VPS13B: variants seen among roughly 807,000 people sequenced by gnomAD.
VPS13B encodes vacuolar protein sorting 13 homolog B, also known as intermembrane lipid transfer protein VPS13B.
VPS13B carries 285 observed loss-of-function variants against 426.4 expected under a neutral mutation model. The observed-to-expected ratio is 0.67, with a 90% CI of 0.61 to 0.74. The LOEUF is 0.74. Ranked by LOEUF, VPS13B falls within the 30% of genes least tolerant of loss-of-function variation. VPS13B has a pLI of 0.00. For missense variants in VPS13B, 4,537 were observed against 4,782.6 expected (o/e 0.95, Z 1.51); for synonymous variants, 1,676 against 1,676.4 (o/e 1.00, Z 0.01).
At position 99,279,990 on chromosome 8, in the gene VPS13B, C is replaced by T. The variant is rs910543671; in HGVS notation, c.2824+4736C>T. ...TTCACTGTGTTAGCCAGGAAGGTCT[C>T]GATCTCCTGACCTCGTGATCCACCT... On this transcript the variant is annotated intron_variant, in intron 19 of 61. Transcript: ENST00000357162. 1.5e-4 allele frequency among the ~76,000 whole-genome samples: 23 copies of T among 152,282 alleles called. 1 individual carries two copies. In the Middle Eastern group the frequency reaches 0.01, roughly 68 times the overall value.
At chr8:99,152,830 A>T (rs1015483323) in intron 14 of VPS13B, among the ~76,000 whole-genome samples, 114 of 152,072 alleles carry the variant, frequency 7.5e-4, no homozygotes, top group African/African-American at 2.6e-3. Flanking sequence ...GATTAGTTTT[A>T]GTAAGGTATG....
chr8:99,872,228 A>T (rs999512406), intron 61 of VPS13B, among the ~76,000 whole-genome samples: 5 of 152,204 alleles, frequency 3.3e-5, no homozygotes, highest in South Asian at 2.1e-4. Context: ...AGCAAGGGGC[A>T]TCATGAAACA....
chr8:99,357,486 A>G (rs560076600), intron 19 of VPS13B, among the ~76,000 whole-genome samples: 6 of 152,112 alleles, frequency 3.9e-5, no homozygotes, highest in African/African-American at 1.4e-4. Context: ...GTCTCTTTTC[A>G]TAGCATCTGT....
intron 21 of VPS13B, among the ~76,000 whole-genome samples, chr8:99,410,876 CTGCAAAGGACA>C (rs1338914859): frequency 6.6e-6 from 1 of 152,068 alleles, no homozygotes; most frequent in East Asian, 1.9e-4. Flanking sequence ...ATCCATGTCC[CTGCAAAGGACA>C]TAAACTCATC....
chr8:99,831,885 G>T lies in VPS13B; in HGVS notation c.9331-484G>T, dbSNP rs552275375. ...AATTATTTCATTAGGACATTCTCAT[G>T]GGGACAGGATTCATAATATTCCCAT... On this transcript the variant is annotated intron_variant, in intron 51 of 61. Transcript: ENST00000357162. Among the ~76,000 whole-genome samples, 6 of 152,258 alleles carry T rather than the reference G, an allele frequency of 3.9e-5. No homozygotes were observed. The East Asian group carries it at 7.7e-4, about 20-fold the overall frequency.
chr8:99,860,350 C>CA (rs1419067705), intron 57 of VPS13B, among the ~76,000 whole-genome samples: 1 of 152,152 alleles, frequency 6.6e-6, no homozygotes, highest in African/African-American at 2.4e-5. Flanking sequence ...GACACTCCCC[C>CA]AGGCCTCAAA....
chr8:99,303,351 C>T (rs1820471506), intron 19 of VPS13B, among the ~76,000 whole-genome samples: 1 of 151,096 alleles, frequency 6.6e-6, no homozygotes, highest in Admixed American at 6.6e-5. Flanking sequence ...AATGGGCGCT[C>T]ATGTCCTCTA....
Position 99,170,090 on chromosome 8 carries a change from T to C in VPS13B, c.2260T>C (p.Cys754Arg), listed in dbSNP as rs746500171. 1 of 1,613,070 alleles carries C rather than the reference T, an allele frequency of 6.2e-7. No individual in the cohort carries two copies. The highest frequency in any genetic ancestry group is 2.2e-5 in the East Asian group (1 of 44,840). Residue 754 changes from cysteine to arginine, a missense_variant, in exon 16 of 62, where the codon TGC (cysteine) becomes CGC (arginine). This residue lies in a region of VPS13B where 4,311 missense variants were observed against 4,474.3 expected (regional missense o/e 0.96). Coordinates refer to ENST00000357162, the MANE Select transcript of VPS13B (RefSeq NM_152564.5). ...LTSLDCSGSY[C>R]LPVPVIPSFS... is the part of the protein sequence containing the mutation. The stretch of plus-strand genomic sequence containing the variant: ...GTCTTTGGATTGCAGTGGATCTTAC[T>C]GCTTACCTGTACCAGTTATTCCCTC...
At chr8:99,303,566 C>T (rs1820483614) in intron 19 of VPS13B, among the ~76,000 whole-genome samples, 1 of 149,910 alleles carries the variant, frequency 6.7e-6, no homozygotes, top group African/African-American at 2.5e-5. Context: ...CTGCACAGCC[C>T]CACGTGTAAT....
intron 54 of VPS13B, among the ~76,000 whole-genome samples, chr8:99,841,693 T>G (rs1276832015): frequency 2.0e-5 from 3 of 152,176 alleles, no homozygotes; most frequent in African/African-American, 7.2e-5. Context: ...TTCCTTTCTC[T>G]CTGATCCTCC....
At chr8:99,353,122 G>A (rs562449039) in intron 19 of VPS13B, among the ~76,000 whole-genome samples, 11 of 151,662 alleles carry the variant, frequency 7.3e-5, no homozygotes, top group African/African-American at 2.7e-4. Flanking sequence ...GCTGGGATTA[G>A]AGGCATGTTC....
At chr8:99,391,730 C>T in intron 21 of VPS13B, 26 bp downstream of exon 21, 1 of 1,611,702 alleles carries the variant, frequency 6.2e-7, no homozygotes, top group Non-Finnish European at 8.5e-7. Flanking sequence ...TGTAAAGGGA[C>T]TATGATTGTA....
chr8:99,159,121 G>A (rs1462309197), intron 15 of VPS13B, among the ~76,000 whole-genome samples: 1 of 152,192 alleles, frequency 6.6e-6, no homozygotes, highest in Non-Finnish European at 1.5e-5. Flanking sequence ...AGGGGTTCAA[G>A]GCTTCCATGG....
At chr8:99,851,933 A>G (rs1011687095) in intron 55 of VPS13B, among the ~76,000 whole-genome samples, 7 of 152,098 alleles carry the variant, frequency 4.6e-5, no homozygotes, top group Non-Finnish European at 2.9e-5. Flanking sequence ...GGCACAAGCA[A>G]GCAGGGAGAC....
At chr8:99,477,206 C>A (rs1198486068) in intron 24 of VPS13B, among the ~76,000 whole-genome samples, 2 of 152,032 alleles carry the variant, frequency 1.3e-5, no homozygotes, top group Non-Finnish European at 2.9e-5. Context: ...TTCTGGGTAT[C>A]CTGTCTTAAA....
intron 16 of VPS13B, among the ~76,000 whole-genome samples, chr8:99,175,443 A>G (rs983321153): frequency 6.6e-6 from 1 of 152,196 alleles, no homozygotes; most frequent in Non-Finnish European, 1.5e-5. Context: ...GATTTTGTCT[A>G]TTTTATCATT....
intron 21 of VPS13B, among the ~76,000 whole-genome samples, chr8:99,406,381 CGTT>C (rs1168509073): frequency 1.3e-5 from 2 of 151,998 alleles, no homozygotes; most frequent in Non-Finnish European, 1.5e-5. Context: ...TTTTGTTTCT[CGTT>C]ATTTTTATTC....
chr8:99,463,026 C>T (rs1479453800), intron 23 of VPS13B, among the ~76,000 whole-genome samples: 1 of 152,206 alleles, frequency 6.6e-6, no homozygotes, highest in Non-Finnish European at 1.5e-5. Flanking sequence ...GCTATCCATT[C>T]CATGGCACTG....
Position 99,464,780 on chromosome 8 carries a change from G to T in VPS13B, c.3446-2634G>T, listed in dbSNP as rs546652987. ...TGGTTGTTCTTTATTTATTCATTTT[G>T]TCCCAAAGCTTTCTGTCATATTCAC... is the stretch of plus-strand genomic sequence containing the variant. On this transcript the variant is annotated intron_variant, in intron 23 of 61. Transcript: ENST00000357162. Among the ~76,000 whole-genome samples the T allele has an allele frequency of 2.0e-3, 301 of 152,018 alleles. 1 individual carries two copies. The highest frequency in any genetic ancestry group is 7.0e-3 in the African/African-American group (289 of 41,478).
Sources: allele counts gnomAD v4.1 joint callset (sites outside exome capture counted in the v4.1 genomes callset), GRCh38; gene constraint gnomAD v4.1.1; regional missense constraint gnomAD v4.1.1; transcripts MANE v1.5; gene names NCBI Gene and HGNC (gene_info 2026-07-23, HGNC 2026-07-21).